PCDH11X: variants seen among roughly 807,000 people sequenced by gnomAD.
PCDH11X encodes the protein protocadherin 11 X-linked, also known as protocadherin-11 X-linked.
A neutral mutation model predicts 53.3 loss-of-function variants in PCDH11X; 18 were observed. The ratio of observed to expected loss-of-function variants is 0.34; its 90% CI spans 0.23 to 0.50. PCDH11X has a LOEUF of 0.50. Ranked by LOEUF, PCDH11X falls within the 20% of genes least tolerant of loss-of-function variation. The pLI is 0.98. For missense variants in PCDH11X, 570 were observed against 1,032.4 expected (o/e 0.55, Z 6.14); for synonymous variants, 279 against 393.3 (o/e 0.71, Z 3.44).
chrX:92,333,959 G>A, intron 8 of PCDH11X, among the ~76,000 whole-genome samples: 1 of 110,316 alleles, frequency 9.1e-6, no homozygotes, highest in Non-Finnish European at 1.9e-5. Flanking sequence ...TCTGACAATA[G>A]CATTCGCTTT....
chrX:92,184,608 C>G lies in PCDH11X; in HGVS notation c.3034-16767C>G, dbSNP rs1441779525. Among the ~76,000 whole-genome samples, 3 of 111,816 alleles carry G rather than the reference C, an allele frequency of 2.7e-5. No individual in the cohort carries two copies. The East Asian group carries it at 8.4e-4, about 31-fold the overall frequency. On this transcript the variant is annotated intron_variant, in intron 6 of 10. Coordinates refer to ENST00000682573, the MANE Select transcript of PCDH11X (RefSeq NM_032968.5). ...TACTACAAAGCTATAGTAACAAAAA[C>G]AGTATGGTACTGGCATAAAAACAGA...
chrX:91,886,986 A>G (rs1239893947), intron 6 of PCDH11X, among the ~76,000 whole-genome samples: 1 of 87,861 alleles, frequency 1.1e-5, no homozygotes, highest in Non-Finnish European at 2.2e-5. Flanking sequence ...AAAAAAAAAA[A>G]GAAAAGAAAA....
At chrX:92,207,370 C>A (rs899414307) in intron 7 of PCDH11X, among the ~76,000 whole-genome samples, 1 of 111,481 alleles carries the variant, frequency 9.0e-6, no homozygotes. Flanking sequence ...TCACCCTTCA[C>A]CTTCCCTTCC....
At chrX:92,280,653 G>A (rs1484971705) in intron 8 of PCDH11X, among the ~76,000 whole-genome samples, 5 of 110,815 alleles carry the variant, frequency 4.5e-5, no homozygotes, top group African/African-American at 1.6e-4. Flanking sequence ...GGAGAATTAT[G>A]TCCCAAATTA....
chrX:92,158,745 C>T (rs1466133211), intron 6 of PCDH11X, among the ~76,000 whole-genome samples: 1 of 110,006 alleles, frequency 9.1e-6, no homozygotes, highest in Non-Finnish European at 1.9e-5. Flanking sequence ...AAGCGATTCT[C>T]CTGCCTCAGC....
intron 10 of PCDH11X, among the ~76,000 whole-genome samples, chrX:92,517,700 T>G (rs936479849): frequency 9.1e-6 from 1 of 110,437 alleles, no homozygotes. Context: ...ATCAAATTTA[T>G]TTTCTAAAGT....
Position 92,278,806 on chromosome X carries a change from G to GTTTTTTTTTTTTTTTTT in PCDH11X, c.3144+15669_3144+15685dup, listed in dbSNP as rs35000823. On this transcript the variant is annotated intron_variant, in intron 8 of 10. Transcript: ENST00000682573. ...TCAGAGGCCTGACAGTCTCTTTTCA[G>GTTTTTTTTTTTTTTTTT]TTTTTTTTTTTTTTTTTTTTTTGAG... 9.7e-4 allele frequency among the ~76,000 whole-genome samples: 46 copies of GTTTTTTTTTTTTTTTTT among 47,376 alleles called. 5 individuals carry two copies. Among genetic ancestry groups the GTTTTTTTTTTTTTTTTT allele is most frequent in the East Asian group, 4.4e-3 (7 of 1,604 alleles). The allele number at this position is 47,376 out of a possible 115,157, so 41.1% of individuals were successfully genotyped here.
intron 6 of PCDH11X, among the ~76,000 whole-genome samples, chrX:92,149,967 T>C (rs1040001144): frequency 8.9e-6 from 1 of 112,095 alleles, no homozygotes; most frequent in African/African-American, 3.2e-5. Context: ...TTCAACTTTA[T>C]GGATACAACA....
chrX:92,593,296 G>C (rs1256250269), intron 10 of PCDH11X, among the ~76,000 whole-genome samples: 1 of 111,650 alleles, frequency 9.0e-6, no homozygotes, highest in Admixed American at 9.5e-5. Flanking sequence ...TCCCTGGCTA[G>C]GCTGGGAAGA....
At chrX:92,181,623 A>G (rs774694332) in intron 6 of PCDH11X, among the ~76,000 whole-genome samples, 1 of 111,876 alleles carries the variant, frequency 8.9e-6, no homozygotes, top group Admixed American at 9.5e-5. Flanking sequence ...TCCCTCTGCT[A>G]TGTGCAGTCT....
At chrX:92,089,596 C>A (rs2064014653) in intron 6 of PCDH11X, among the ~76,000 whole-genome samples, 1 of 108,507 alleles carries the variant, frequency 9.2e-6, no homozygotes, top group African/African-American at 3.4e-5. Flanking sequence ...AATCTTGGCT[C>A]ACTGCAACCT....
chrX:92,261,636 TA>T (rs202012730), intron 7 of PCDH11X, among the ~76,000 whole-genome samples: 12 of 104,281 alleles, frequency 1.2e-4, no homozygotes, highest in African/African-American at 4.3e-4. Context: ...CTAATGAAAC[TA>T]AAAAAAAATC....
At chrX:92,469,329 G>A (rs1202765505) in intron 10 of PCDH11X, among the ~76,000 whole-genome samples, 1 of 110,836 alleles carries the variant, frequency 9.0e-6, no homozygotes, top group Non-Finnish European at 1.9e-5. Flanking sequence ...CTGTGTTGGG[G>A]TAGTTCTTCT....
chrX:92,038,123 C>A (rs1407508433), intron 6 of PCDH11X, among the ~76,000 whole-genome samples: 2 of 110,827 alleles, frequency 1.8e-5, no homozygotes, highest in Admixed American at 1.9e-4. Context: ...CAGAGCCTGA[C>A]AATGTAATAG....
At chrX:92,172,026 G>A (rs1235636035) in intron 6 of PCDH11X, among the ~76,000 whole-genome samples, 4 of 105,814 alleles carry the variant, frequency 3.8e-5, no homozygotes, top group African/African-American at 1.4e-4. Context: ...ATTATTCATT[G>A]CTACTGCATA....
chrX:92,072,732 T>C (rs1569339820), intron 6 of PCDH11X, among the ~76,000 whole-genome samples: 4 of 111,091 alleles, frequency 3.6e-5, no homozygotes, highest in Middle Eastern at 4.6e-3. Flanking sequence ...GTCCCTTTCA[T>C]TGTTTTGAGC....
chrX:92,463,491 C>T (rs1170287155), intron 9 of PCDH11X, among the ~76,000 whole-genome samples: 1 of 110,282 alleles, frequency 9.1e-6, no homozygotes, highest in Non-Finnish European at 1.9e-5. Flanking sequence ...TATGTGAGTT[C>T]CTTGGTAATG....
At chrX:92,446,980 G>T (rs1395601738) in intron 9 of PCDH11X, among the ~76,000 whole-genome samples, 1 of 110,869 alleles carries the variant, frequency 9.0e-6, no homozygotes, top group Non-Finnish European at 1.9e-5. Context: ...TTAACAAAGA[G>T]ACTGGTAGCA....
At chrX:92,330,635 A>G (rs2069441940) in intron 8 of PCDH11X, among the ~76,000 whole-genome samples, 1 of 111,061 alleles carries the variant, frequency 9.0e-6, no homozygotes, top group African/African-American at 3.3e-5. Context: ...CAGTTTTATT[A>G]TAGTTGAAGT....
Sources: allele counts gnomAD v4.1 joint callset (sites outside exome capture counted in the v4.1 genomes callset), GRCh38; gene constraint gnomAD v4.1.1; transcripts MANE v1.5; gene names NCBI Gene and HGNC (gene_info 2026-07-23, HGNC 2026-07-21).